EXOC4: variants seen among roughly 807,000 people sequenced by gnomAD.
EXOC4 encodes SEC8-like 1.
A neutral mutation model predicts 107.2 loss-of-function variants in EXOC4; 71 were observed. The ratio of observed to expected loss-of-function variants is 0.66; its 90% CI spans 0.55 to 0.81. EXOC4 has a LOEUF of 0.81. Among genes scored for constraint, EXOC4 ranks in the 30% least tolerant of loss-of-function variants. The pLI is 0.00. For synonymous variants in EXOC4, 456 were observed against 441.2 expected (o/e 1.03, Z -0.42); for missense variants, 1,108 against 1,189.6 (o/e 0.93, Z 1.01).
At chr7:133,546,380 C>T (rs894651674) in intron 9 of EXOC4, among the ~76,000 whole-genome samples, 14 of 151,668 alleles carry the variant, frequency 9.2e-5, no homozygotes, top group East Asian at 3.9e-4. Flanking sequence ...CTCAGCCCCC[C>T]GAGTAGCTGG....
chr7:133,494,034 G>T (rs1024370533), intron 9 of EXOC4, among the ~76,000 whole-genome samples: 2 of 152,212 alleles, frequency 1.3e-5, no homozygotes, highest in Admixed American at 6.5e-5. Flanking sequence ...ATTAATGGCA[G>T]CTGAAAATTT....
intron 10 of EXOC4, among the ~76,000 whole-genome samples, chr7:133,697,135 T>C (rs55696747): frequency 0.082 from 12,550 of 152,254 alleles, 569 homozygotes; most frequent in Middle Eastern, 0.13. Context: ...TTTGTTTGTT[T>C]TAAAAAAGCT....
chr7:133,439,633 C>T, intron 7 of EXOC4, among the ~76,000 whole-genome samples: 1 of 152,238 alleles, frequency 6.6e-6, no homozygotes, highest in South Asian at 2.1e-4. Flanking sequence ...GATAATGATA[C>T]CACACAAAGC....
intron 9 of EXOC4, among the ~76,000 whole-genome samples, chr7:133,492,310 A>C (rs1434629178): frequency 6.6e-6 from 1 of 152,140 alleles, no homozygotes; most frequent in East Asian, 1.9e-4. Context: ...GCAAGAAGAG[A>C]TGTATTTTGG....
At chr7:133,952,594 CT>C (rs1401038520) in intron 14 of EXOC4, among the ~76,000 whole-genome samples, 3 of 152,146 alleles carry the variant, frequency 2.0e-5, no homozygotes, top group African/African-American at 7.2e-5. Context: ...ATCTGCAGAA[CT>C]TTTTTCATCT....
chr7:133,304,620 GGTT>G (rs1794712409), intron 3 of EXOC4, among the ~76,000 whole-genome samples: 1 of 152,172 alleles, frequency 6.6e-6, no homozygotes, highest in Non-Finnish European at 1.5e-5. Flanking sequence ...CAGCTACAAA[GGTT>G]TCTCTGTTCA....
intron 10 of EXOC4, among the ~76,000 whole-genome samples, chr7:133,753,666 G>C (rs1384194603): frequency 6.6e-6 from 1 of 152,222 alleles, no homozygotes; most frequent in African/African-American, 2.4e-5. Context: ...TGCCTGAGGA[G>C]TCAACCTGCA....
chr7:133,863,822 C>T (rs1000344416), intron 11 of EXOC4, among the ~76,000 whole-genome samples: 3 of 152,180 alleles, frequency 2.0e-5, no homozygotes, highest in Non-Finnish European at 4.4e-5. Context: ...TGGTGACTGA[C>T]AGTTGTGACA....
chr7:133,543,863 G>A (rs1325310935), intron 9 of EXOC4, among the ~76,000 whole-genome samples: 1 of 152,116 alleles, frequency 6.6e-6, no homozygotes. Context: ...TGCTGTGAGT[G>A]ACAGAAACTA....
intron 10 of EXOC4, among the ~76,000 whole-genome samples, chr7:133,638,025 A>C (rs1329536802): frequency 1.3e-5 from 2 of 152,180 alleles, no homozygotes; most frequent in Non-Finnish European, 2.9e-5. Context: ...CATGAGAAAC[A>C]GTAGGGAAAA....
chr7:133,881,471 C>T (rs1644241659), intron 11 of EXOC4, among the ~76,000 whole-genome samples: 1 of 152,148 alleles, frequency 6.6e-6, no homozygotes, highest in South Asian at 2.1e-4. Flanking sequence ...CTCTGTCTCT[C>T]TGCCTTTCAC....
intron 11 of EXOC4, among the ~76,000 whole-genome samples, chr7:133,857,147 C>CATATAT (rs1798399519): frequency 3.7e-4 from 7 of 19,108 alleles, no homozygotes; most frequent in East Asian, 2.9e-3. Context: ...TACACATACA[C>CATATAT]GTATATATAT....
chr7:133,611,503 T>TA (rs1158217006), intron 9 of EXOC4, among the ~76,000 whole-genome samples: 1 of 152,174 alleles, frequency 6.6e-6, no homozygotes, highest in Non-Finnish European at 1.5e-5. Context: ...GTACTTCGGA[T>TA]AAAAAATGTC....
At chr7:133,972,862 C>T (rs1011477488) in intron 14 of EXOC4, among the ~76,000 whole-genome samples, 1 of 152,090 alleles carries the variant, frequency 6.6e-6, no homozygotes, top group African/African-American at 2.4e-5. Flanking sequence ...TGGGTCTGTC[C>T]CCTGTGTCAC....
intron 4 of EXOC4, among the ~76,000 whole-genome samples, chr7:133,313,338 C>T (rs1794918868): frequency 6.6e-6 from 1 of 152,058 alleles, no homozygotes; most frequent in Non-Finnish European, 1.5e-5. Context: ...GCCAGCCATT[C>T]CTGTTTCATT....
intron 9 of EXOC4, among the ~76,000 whole-genome samples, chr7:133,492,731 T>G (rs1466897331): frequency 6.6e-6 from 1 of 152,224 alleles, no homozygotes; most frequent in Non-Finnish European, 1.5e-5. Context: ...TTAATTTTTA[T>G]TCCTTGATGT....
chr7:133,525,462 G>T (rs766503370), intron 9 of EXOC4, among the ~76,000 whole-genome samples: 2 of 152,154 alleles, frequency 1.3e-5, no homozygotes, highest in Non-Finnish European at 2.9e-5. Flanking sequence ...TCATGATGTG[G>T]TTTATGCTGG....
At chr7:133,686,258 A>G (rs569457520) in intron 10 of EXOC4, among the ~76,000 whole-genome samples, 2 of 152,272 alleles carry the variant, frequency 1.3e-5, no homozygotes, top group African/African-American at 4.8e-5. Flanking sequence ...TTCTTTGTAA[A>G]TTACCCAGTT....
chr7:134,064,491 A>G lies in EXOC4; in HGVS notation c.2888A>G (p.Lys963Arg). 1 of 1,606,836 alleles carries G rather than the reference A, an allele frequency of 6.2e-7. No homozygotes were observed. The highest frequency in any genetic ancestry group is 8.5e-7 in the Non-Finnish European group (1 of 1,176,336). The stretch of plus-strand genomic sequence containing the variant: ...ATCATCTGCGAGCAGGCTGCCATCA[A>G]GCAAGCCACCAAGGACAAGAAGATA... ...KEIICEQAAI[K>R]QATKDKKITT... is the part of the protein sequence containing the mutation. Residue 963 changes from lysine (K) to arginine (R), a missense_variant, in exon 18 of 18, where the codon AAG (lysine) becomes AGG (arginine). By Grantham distance (26) the Lys-to-Arg change is conservative. Coordinates refer to ENST00000253861, the MANE Select transcript of EXOC4 (RefSeq NM_021807.4).
Sources: allele counts gnomAD v4.1 joint callset (sites outside exome capture counted in the v4.1 genomes callset), GRCh38; gene constraint gnomAD v4.1.1; transcripts MANE v1.5; gene names NCBI Gene and HGNC (gene_info 2026-07-23, HGNC 2026-07-21).